The following DCT variants were observed in gnomAD, a reference collection of about 807,000 sequenced individuals.
The protein encoded by DCT is L-dopachrome tautomerase.
In DCT, 47 loss-of-function variants were observed where a neutral mutation model predicts 53.0. The observed-to-expected ratio is 0.89, with a 90% CI of 0.70 to 1.13. DCT has a LOEUF of 1.13. Ranked by LOEUF, DCT falls within the 50% of genes most tolerant of loss-of-function variation. DCT has a pLI of 0.00. For synonymous variants in DCT, 244 were observed against 237.0 expected (o/e 1.03, Z -0.27); for missense variants, 669 against 637.4 (o/e 1.05, Z -0.53).
chr13:94,508,466 G>C, the DCT span, among the ~76,000 whole-genome samples: 1 of 152,170 alleles, frequency 6.6e-6, no homozygotes, highest in Non-Finnish European at 1.5e-5. Flanking sequence ...CTGGGGAAAG[G>C]GGAGTAGGCA....
chr13:94,443,575 T>C lies in DCT; in HGVS notation c.1242A>G (p.Ala414=), dbSNP rs537647470. 6.2e-7 allele frequency: 1 copy of C among 1,614,034 alleles called. No homozygotes were observed. Among genetic ancestry groups the C allele is most frequent in the Non-Finnish European group, 8.5e-7 (1 of 1,179,926 alleles). The change falls in exon 7 of 8, where the codon GCA becomes GCG. Residue 414 remains alanine (A), a synonymous_variant. Coordinates refer to ENST00000377028, the MANE Select transcript of DCT (RefSeq NM_001922.5). ...GGGCCAGCTCCTGAGGCCAGGCATC[T>C]GCAGGAGGATTAAATCTTTTCATCC... ...DEWMKRFNPP[A]DAWPQELAPI... is the part of the protein sequence containing the mutation.
chr13:94,532,950 A>G, the DCT span, among the ~76,000 whole-genome samples: 5 of 152,356 alleles, frequency 3.3e-5, no homozygotes, highest in East Asian at 9.6e-4. Flanking sequence ...AAATGACAAA[A>G]AATATTTATT....
Position 94,479,408 on chromosome 13 carries a change from G to A in DCT, c.-153C>T. 1 of 724,948 alleles carries A rather than the reference G, an allele frequency of 1.4e-6. No individual in the cohort carries two copies. The highest frequency in any genetic ancestry group is 2.0e-5 in the South Asian group (1 of 50,002). 44.9% of individuals were successfully genotyped at this position (724,948 alleles called of 1,614,324 possible). A position where few individuals can be genotyped will look rare whatever the true frequency, so the allele number is the denominator to read the frequency against. On this transcript the variant is annotated 5_prime_UTR_variant, in exon 1 of 8. Coordinates refer to ENST00000377028, the MANE Select transcript of DCT (RefSeq NM_001922.5). ...TTTCTTCTTAAAAAAATACCCACAA[G>A]AATCACAGAGGTTACATGTGTGCAC... is the stretch of plus-strand genomic sequence containing the variant.
intron 6 of DCT, among the ~76,000 whole-genome samples, chr13:94,445,065 G>C (rs1228221196): frequency 6.6e-6 from 1 of 152,240 alleles, no homozygotes; most frequent in East Asian, 1.9e-4. Flanking sequence ...GTTGGCTGAT[G>C]ACAGTGTCAT....
At chr13:94,504,286 T>A in the DCT span, among the ~76,000 whole-genome samples, 2 of 152,254 alleles carry the variant, frequency 1.3e-5, no homozygotes, top group African/African-American at 4.8e-5. Flanking sequence ...TTGTTACCTG[T>A]TAGCCTTGGT....
chr13:94,510,821 G>T, the DCT span, among the ~76,000 whole-genome samples: 1 of 152,056 alleles, frequency 6.6e-6, no homozygotes, highest in Non-Finnish European at 1.5e-5. Context: ...CACAAAATTG[G>T]CTCTTCCTCT....
the DCT span, among the ~76,000 whole-genome samples, chr13:94,531,454 T>C: frequency 6.6e-6 from 1 of 152,020 alleles, no homozygotes; most frequent in Non-Finnish European, 1.5e-5. Context: ...TATACACCAA[T>C]GGAACAGAAC....
intron 1 of DCT, among the ~76,000 whole-genome samples, chr13:94,473,752 A>G (rs1477337826): frequency 6.6e-6 from 1 of 152,210 alleles, no homozygotes; most frequent in Non-Finnish European, 1.5e-5. Context: ...AGCTTTCAAC[A>G]TCTGTGAAAA....
chr13:94,444,999 A>G (rs1408249854), intron 6 of DCT, among the ~76,000 whole-genome samples: 3 of 152,188 alleles, frequency 2.0e-5, no homozygotes, highest in Middle Eastern at 3.2e-3. Context: ...GACACTTTGC[A>G]TACAGTGCAA....
At chr13:94,448,916 AT>A (rs1882905783) in intron 6 of DCT, among the ~76,000 whole-genome samples, 3 of 151,716 alleles carry the variant, frequency 2.0e-5, no homozygotes, top group African/African-American at 7.3e-5. Flanking sequence ...AAAAAAAATA[AT>A]AATAATAAAT....
At chr13:94,516,080 T>A in the DCT span, among the ~76,000 whole-genome samples, 3 of 85,206 alleles carry the variant, frequency 3.5e-5, no homozygotes, top group African/African-American at 1.4e-4. Context: ...GCTCCTCACC[T>A]CTTATGGTGA....
the DCT span, among the ~76,000 whole-genome samples, chr13:94,543,167 T>G: frequency 6.6e-6 from 1 of 152,192 alleles, no homozygotes. Flanking sequence ...ATGTGCACAC[T>G]AACTCATCAC....
At chr13:94,517,243 A>G in the DCT span, among the ~76,000 whole-genome samples, 1 of 152,202 alleles carries the variant, frequency 6.6e-6, no homozygotes, top group Non-Finnish European at 1.5e-5. Flanking sequence ...TTTACTCACT[A>G]TCCAAAGACT....
At chr13:94,517,895 TC>T in the DCT span, among the ~76,000 whole-genome samples, 2 of 151,982 alleles carry the variant, frequency 1.3e-5, no homozygotes, top group African/African-American at 2.4e-5. Flanking sequence ...GAATGAATTC[TC>T]CCCACTACAG....
chr13:94,454,453 A>G (rs1883284753), intron 6 of DCT, among the ~76,000 whole-genome samples: 1 of 152,034 alleles, frequency 6.6e-6, no homozygotes, highest in Non-Finnish European at 1.5e-5. Context: ...TCTGGATTAT[A>G]TCTAAATTTA....
chr13:94,440,863 TAGAGAC>T (rs1882253994), intron 7 of DCT, among the ~76,000 whole-genome samples: 1 of 151,982 alleles, frequency 6.6e-6, no homozygotes. Context: ...GTATTTTTAG[TAGAGAC>T]AGGGTTTCGC....
At chr13:94,514,776 T>C in the DCT span, among the ~76,000 whole-genome samples, 1 of 152,204 alleles carries the variant, frequency 6.6e-6, no homozygotes, top group South Asian at 2.1e-4. Context: ...CAAAGGAACC[T>C]GCAAATTAGA....
rs770964531 is a variant in DCT, at chr13:94,460,138, C to T, written c.1132G>A (p.Gly378Arg). The change falls in exon 6 of 8, where the codon GGG (glycine) becomes AGG (arginine). Residue 378 changes from glycine to arginine, a missense_variant. Gly to Arg is a moderately radical substitution (Grantham distance 125). Coordinates refer to ENST00000377028, the MANE Select transcript of DCT (RefSeq NM_001922.5). ...LHNLVHSFLN[G>R]TNALPHSAAN... ...GCTGAATGTGGCAAAGCGTTTGTCC[C>T]GTTCAGGAAGGAATGAACCAAATTA... The T allele has an allele frequency of 6.2e-6, 10 of 1,613,958 alleles. No individual in the cohort carries two copies. The highest frequency in any genetic ancestry group is 1.3e-5 in the African/African-American group (1 of 74,890).
chr13:94,439,053 G>A lies in DCT; in HGVS notation c.*845C>T. ...CACCAGCCTTCAGTCAGCCTTCCTT[G>A]GAAAGAGTAATTCTGTATTTGTTAA... On this transcript the variant is annotated 3_prime_UTR_variant, in exon 8 of 8. Coordinates refer to ENST00000377028, the MANE Select transcript of DCT (RefSeq NM_001922.5). The A allele has an allele frequency of 5.6e-6, 1 of 179,166 alleles. No homozygotes were observed. Among genetic ancestry groups the A allele is most frequent in the African/African-American group, 2.4e-5 (1 of 41,954 alleles). The allele number at this position is 179,166 out of a possible 1,614,324, so 11.1% of individuals were successfully genotyped here.
Sources: gnomAD v4.1 joint callset for allele counts (sites outside exome capture counted in the v4.1 genomes callset) on GRCh38, gnomAD v4.1.1 for gene constraint, MANE v1.5 for transcripts, NCBI Gene and HGNC (gene_info 2026-07-23, HGNC 2026-07-21) for gene names.